The following VWA3A variants were observed in gnomAD, a reference collection of about 807,000 sequenced individuals.
The protein encoded by VWA3A is von Willebrand factor A domain containing 3A.
VWA3A carries 134 observed loss-of-function variants against 160.4 expected under a neutral mutation model. The ratio of observed to expected loss-of-function variants is 0.84; its 90% CI spans 0.73 to 0.96. The LOEUF is 0.96. Among genes scored for constraint, VWA3A ranks in the 40% least tolerant of loss-of-function variants. VWA3A has a pLI of 0.00. For missense variants in VWA3A, 1,310 were observed against 1,447.9 expected (o/e 0.90, Z 1.55); for synonymous variants, 476 against 543.4 (o/e 0.88, Z 1.72).
intron 15 of VWA3A, 57 bp from the exon 16 acceptor site, chr16:22,123,555 AG>A (rs1442537184): frequency 1.2e-6 from 2 of 1,613,044 alleles, no homozygotes; most frequent in African/African-American, 2.7e-5. Context: ...ACTTCCCCTC[AG>A]GCCCCTTGGT....
At chr16:22,139,218 G>A (rs1252512481) in intron 22 of VWA3A, among the ~76,000 whole-genome samples, 1 of 152,146 alleles carries the variant, frequency 6.6e-6, no homozygotes, top group Non-Finnish European at 1.5e-5. Context: ...CCTCGTTCGG[G>A]GAACTCTGCC....
chr16:22,123,772 C>A, intron 16 of VWA3A, 65 bp downstream of exon 16: 1 of 1,416,184 alleles, frequency 7.1e-7, no homozygotes, highest in Non-Finnish European at 9.8e-7. Flanking sequence ...ATTTATCCGC[C>A]TCATGAATTC....
chr16:22,138,216 C>G, intron 21 of VWA3A, 144 bp from the exon 22 acceptor site: 1 of 930,420 alleles, frequency 1.1e-6, no homozygotes, highest in Non-Finnish European at 1.6e-6. Context: ...GCACTTTCAG[C>G]CCCAGGTGGC....
intron 25 of VWA3A, 33 bp from the exon 26 acceptor site, chr16:22,144,214 C>A: frequency 1.3e-6 from 2 of 1,588,386 alleles, no homozygotes; most frequent in South Asian, 1.2e-5. Context: ...GTCTGAATTG[C>A]CTAAGATAAT....
At chr16:22,112,205 G>A (rs927160423) in intron 8 of VWA3A, among the ~76,000 whole-genome samples, 4 of 152,154 alleles carry the variant, frequency 2.6e-5, no homozygotes, top group Non-Finnish European at 4.4e-5. Context: ...CTTATCCAGT[G>A]AGTAGAAATT....
At chr16:22,125,265 G>A (rs1052302282) in intron 16 of VWA3A, among the ~76,000 whole-genome samples, 6 of 151,510 alleles carry the variant, frequency 4.0e-5, no homozygotes, top group Admixed American at 1.3e-4. Context: ...GTGTGCCTGT[G>A]GTCCCAGCAA....
chr16:22,142,815 C>T, intron 25 of VWA3A, 50 bp downstream of exon 25: 1 of 1,365,534 alleles, frequency 7.3e-7, no homozygotes, highest in Non-Finnish European at 1.0e-6. Context: ...TAGAGTAGTT[C>T]TGTCCACCAA....
intron 19 of VWA3A, among the ~76,000 whole-genome samples, chr16:22,132,436 T>TA (rs1233816819): frequency 6.6e-6 from 1 of 151,090 alleles, no homozygotes; most frequent in Admixed American, 6.6e-5. Context: ...TAGTCACAGC[T>TA]ACTTAGGAGG....
At chr16:22,122,829 T>C (rs534439001) in intron 14 of VWA3A, among the ~76,000 whole-genome samples, 4 of 152,308 alleles carry the variant, frequency 2.6e-5, no homozygotes, top group Non-Finnish European at 5.9e-5. Context: ...AGAGGCTTGC[T>C]GTCAGGTATC....
rs1567213588 is a variant in VWA3A at position 22,131,110 on chromosome 16, AT to A, written c.1653-91del. 2.7e-6 allele frequency: 3 copies of A among 1,110,740 alleles called. No homozygotes were observed. In the South Asian group the frequency reaches 4.0e-5, roughly 15 times the overall value. 68.8% of individuals were successfully genotyped at this position (1,110,740 alleles called of 1,614,324 possible). A position where few individuals can be genotyped will look rare whatever the true frequency, so the allele number is the denominator to read the frequency against. On this transcript the variant is annotated intron_variant, in intron 17 of 33. Transcript: ENST00000389398. ...TCACATTTTAGGGGATCTCATCAGA[AT>A]TTTGTCCCCACTAAAAGCCTGCAAA...
At chr16:22,152,331 G>T (rs1415021687) in intron 30 of VWA3A, among the ~76,000 whole-genome samples, 180 bp from the exon 31 acceptor site, 1 of 152,170 alleles carries the variant, frequency 6.6e-6, no homozygotes, top group Non-Finnish European at 1.5e-5. Context: ...TGCTATAGCT[G>T]TCCAGAAGCT....
intron 25 of VWA3A, among the ~76,000 whole-genome samples, chr16:22,143,672 T>G (rs536969030): frequency 6.6e-6 from 1 of 152,034 alleles, no homozygotes; most frequent in Admixed American, 6.6e-5. Flanking sequence ...GAAGTAACAG[T>G]GTCCACTAGA....
intron 18 of VWA3A, 41 bp downstream of exon 18, chr16:22,131,320 GAAGGTTTGCAGGCA>G (rs1203052825): frequency 6.2e-7 from 1 of 1,606,494 alleles, no homozygotes; most frequent in Admixed American, 1.7e-5. Context: ...GTGTCTGAGG[GAAGGTTTGCAGGCA>G]TTGTTTTCTC....
At position 22,123,639 on chromosome 16, in the gene VWA3A, G is replaced by A. The variant is rs761234774; in HGVS notation, c.1464G>A (p.Met488Ile). The A allele has an allele frequency of 3.1e-6, 5 of 1,613,864 alleles. No individual in the cohort carries two copies. In the African/African-American group the frequency reaches 4.0e-5, roughly 13 times the overall value. ...AACAGCTCAGCAGAGCTATGCGGATGTATGAGAGGCGGATTGAGTGGCTCT... is the reference window on the plus strand; with the variant it reads ...AACAGCTCAGCAGAGCTATGCGGATATATGAGAGGCGGATTGAGTGGCTCT... ...YQQQLSRAMR[M>I]YERRIEWLSL... Residue 488 changes from methionine to isoleucine, a missense_variant, in exon 16 of 34, where the codon ATG (methionine) becomes ATA (isoleucine). Met to Ile is a conservative substitution (Grantham distance 10). Coordinates refer to ENST00000389398, the MANE Select transcript of VWA3A (RefSeq NM_173615.5).
rs555262630 is a variant in VWA3A, at chr16:22,104,382, A to T, written c.483+853A>T. On this transcript the variant is annotated intron_variant, in intron 6 of 33. Transcript: ENST00000389398. ...TGCAAGCCTGCAATCCCAGCTATGCAGGAGGCTGAGGCAGGAAAATCGCTT... is the reference window on the plus strand; with the variant it reads ...TGCAAGCCTGCAATCCCAGCTATGCTGGAGGCTGAGGCAGGAAAATCGCTT... Among the ~76,000 whole-genome samples, 18 of 152,298 alleles carry T rather than the reference A, an allele frequency of 1.2e-4. 1 individual carries two copies. The South Asian group carries it at 3.7e-3, about 32-fold the overall frequency.
At chr16:22,138,542 A>G (rs2046086173) in intron 22 of VWA3A, 30 bp downstream of exon 22, 1 of 1,612,542 alleles carries the variant, frequency 6.2e-7, no homozygotes, top group African/African-American at 1.3e-5. Context: ...AACACGCAGA[A>G]GATTTGGTTT....
chr16:22,134,729 GACTTT>G (rs2046011030), intron 21 of VWA3A, among the ~76,000 whole-genome samples: 1 of 152,176 alleles, frequency 6.6e-6, no homozygotes, highest in Admixed American at 6.6e-5. Flanking sequence ...TGGCAAGGAA[GACTTT>G]ACTTAAGACT....
intron 25 of VWA3A, 91 bp downstream of exon 25, chr16:22,142,856 A>G (rs1408194250): frequency 1.0e-6 from 1 of 1,004,612 alleles, no homozygotes; most frequent in African/African-American, 1.6e-5. Flanking sequence ...GGGCATAATC[A>G]GAAATGAGAA....
intron 6 of VWA3A, among the ~76,000 whole-genome samples, chr16:22,105,133 G>A (rs1258778535): frequency 6.6e-6 from 1 of 152,146 alleles, no homozygotes; most frequent in Non-Finnish European, 1.5e-5. Context: ...GGTTGCCCAT[G>A]GTAACAGGCA....
Sources: gnomAD v4.1 joint callset for allele counts (sites outside exome capture counted in the v4.1 genomes callset) on GRCh38, gnomAD v4.1.1 for gene constraint, MANE v1.5 for transcripts, NCBI Gene and HGNC (gene_info 2026-07-23, HGNC 2026-07-21) for gene names.